Variants in GPD2 observed in about 807,000 individuals in gnomAD.
GPD2 encodes glycerol-3-phosphate dehydrogenase, mitochondrial.
In GPD2, 54 loss-of-function variants were observed where a neutral mutation model predicts 82.4. The observed-to-expected ratio is 0.66, with a 90% CI of 0.53 to 0.82. The LOEUF is 0.82. GPD2 is among the 40% of genes least tolerant of loss of function. The pLI is 0.00. For missense variants in GPD2, 748 were observed against 896.2 expected, an observed-to-expected ratio of 0.83 and a Z score of 2.11; for synonymous variants, 288 against 306.1, an observed-to-expected ratio of 0.94 and a Z score of 0.62.
intron 1 of GPD2, among the ~76,000 whole-genome samples, chr2:156,450,808 C>T (rs1344919346): frequency 8.6e-6 from 1 of 116,502 alleles, no homozygotes; most frequent in South Asian, 3.4e-4. Flanking sequence ...GAGGACCCTG[C>T]GGCCTTCCGC....
At chr2:156,420,418 G>A in the GPD2 span, among the ~76,000 whole-genome samples, 66 of 152,078 alleles carry the variant, frequency 4.3e-4, 2 homozygotes, top group South Asian at 0.012. Flanking sequence ...TGATCAGCTC[G>A]CCTTGACCTC....
At chr2:156,525,459 TG>T (rs770722769) in intron 6 of GPD2, among the ~76,000 whole-genome samples, 47 of 152,336 alleles carry the variant, frequency 3.1e-4, no homozygotes, top group Non-Finnish European at 4.7e-4. Flanking sequence ...ATAATCTATT[TG>T]CTATGAAGGT....
intron 6 of GPD2, among the ~76,000 whole-genome samples, chr2:156,513,849 T>C (rs1685096835): frequency 6.6e-6 from 1 of 152,226 alleles, no homozygotes; most frequent in African/African-American, 2.4e-5. Context: ...GAATATATTA[T>C]AATGTTGAAA....
At chr2:156,452,507 C>T (rs1456687605) in intron 1 of GPD2, among the ~76,000 whole-genome samples, 1 of 152,136 alleles carries the variant, frequency 6.6e-6, no homozygotes, top group Non-Finnish European at 1.5e-5. Context: ...AGTCCAGCTT[C>T]GGCTCGGCAT....
chr2:156,536,626 T>G (rs1686092662), intron 6 of GPD2, among the ~76,000 whole-genome samples: 1 of 152,234 alleles, frequency 6.6e-6, no homozygotes, highest in African/African-American at 2.4e-5. Context: ...GTGGATACTC[T>G]TCAAGATTTG....
chr2:156,421,255 G>A, the GPD2 span, among the ~76,000 whole-genome samples: 2 of 152,150 alleles, frequency 1.3e-5, no homozygotes, highest in Admixed American at 6.5e-5. Context: ...CAGATCCTCT[G>A]TCCCCAAACT....
the GPD2 span, among the ~76,000 whole-genome samples, chr2:156,408,366 T>G: frequency 6.6e-6 from 1 of 152,112 alleles, no homozygotes; most frequent in Non-Finnish European, 1.5e-5. Context: ...TAAAAAAGTT[T>G]GATTAAGCTG....
At chr2:156,400,844 C>G in the GPD2 span, among the ~76,000 whole-genome samples, 20 of 152,194 alleles carry the variant, frequency 1.3e-4, no homozygotes, top group African/African-American at 4.1e-4. Flanking sequence ...ATCTCCAAAT[C>G]AGCCGACGTT....
At chr2:156,473,612 G>A (rs921148472) in intron 1 of GPD2, 6 of 152,220 alleles carry the variant, frequency 3.9e-5, no homozygotes, top group African/African-American at 1.4e-4. Context: ...ACACTGCTAT[G>A]AGTCAGGCAT....
At chr2:156,519,222 A>G (rs927753639) in intron 6 of GPD2, among the ~76,000 whole-genome samples, 3 of 152,000 alleles carry the variant, frequency 2.0e-5, no homozygotes, top group Non-Finnish European at 4.4e-5. Flanking sequence ...GGGGGGGGCC[A>G]CTAGTAATTT....
At chr2:156,435,300 C>T (rs190897805), upstream of GPD2, 4 of 152,334 alleles carry the variant, frequency 2.6e-5, no homozygotes, top group East Asian at 7.7e-4. Flanking sequence ...ATTAGTACAG[C>T]ACCCAGAGGT....
rs140927245 is a variant in GPD2, at chr2:156,540,085, A to G, written c.662-9523A>G. Among the ~76,000 whole-genome samples, 294 of 152,338 alleles carry G rather than the reference A, an allele frequency of 1.9e-3. 4 individuals are homozygous for G. The East Asian group carries it at 0.051, about 27-fold the overall frequency. On this transcript the variant is annotated intron_variant, in intron 6 of 16. Transcript: ENST00000438166. ...TCTGATAGGACATTGAGCAGCAGGC[A>G]GAAATACTGGGAAGACAGAGACCTA... is the stretch of plus-strand genomic sequence containing the variant.
chr2:156,439,531 AAAAAAAAAC>A (rs1558898809), intron 1 of GPD2, among the ~76,000 whole-genome samples: 8 of 115,536 alleles, frequency 6.9e-5, no homozygotes, highest in South Asian at 3.2e-4. Context: ...AAAAAAAAAA[AAAAAAAAAC>A]AAAAAAAAAA....
intron 6 of GPD2, among the ~76,000 whole-genome samples, chr2:156,544,094 A>G (rs1241700666): frequency 6.6e-6 from 1 of 152,152 alleles, no homozygotes; most frequent in African/African-American, 2.4e-5. Flanking sequence ...ATGCATTGGA[A>G]TGCTCATCAG....
At chr2:156,556,079 CATT>C (rs1444228044) in intron 8 of GPD2, among the ~76,000 whole-genome samples, 1 of 152,022 alleles carries the variant, frequency 6.6e-6, no homozygotes, top group African/African-American at 2.4e-5. Context: ...AAAATATTAT[CATT>C]ATTTTTTACA....
chr2:156,490,851 T>TAA (rs776453300), intron 2 of GPD2, among the ~76,000 whole-genome samples: 1 of 152,246 alleles, frequency 6.6e-6, no homozygotes, highest in Non-Finnish European at 1.5e-5. Context: ...GTCTGGCACA[T>TAA]AAATGCTCTT....
chr2:156,548,041 G>C (rs758652250), intron 6 of GPD2, among the ~76,000 whole-genome samples: 14 of 152,164 alleles, frequency 9.2e-5, no homozygotes, highest in Non-Finnish European at 1.9e-4. Flanking sequence ...GTGGGGCAGG[G>C]TGTTTCCTTG....
the GPD2 span, among the ~76,000 whole-genome samples, chr2:156,401,191 A>G: frequency 3.3e-5 from 5 of 152,246 alleles, no homozygotes; most frequent in Non-Finnish European, 2.9e-5. Context: ...GTGGCAGGCG[A>G]GAATTCTACC....
chr2:156,405,689 G>C, the GPD2 span, among the ~76,000 whole-genome samples: 1 of 152,318 alleles, frequency 6.6e-6, no homozygotes, highest in Middle Eastern at 3.4e-3. Context: ...AGAGATCAGA[G>C]GATGACCAAC....
Sources: allele counts gnomAD v4.1 joint callset (sites outside exome capture counted in the v4.1 genomes callset), GRCh38; gene constraint gnomAD v4.1.1; transcripts MANE v1.5; gene names NCBI Gene and HGNC (gene_info 2026-07-23, HGNC 2026-07-21).